The following SUPT3H variants were observed in gnomAD, a reference collection of about 807,000 sequenced individuals.
SUPT3H encodes the protein transcription initiation protein SPT3 homolog.
Under a neutral mutation model 44.3 loss-of-function variants are expected in SUPT3H, and 44 were observed. The ratio of observed to expected loss-of-function variants is 0.99; its 90% CI spans 0.78 to 1.28. The LOEUF is 1.28. Ranked by LOEUF, SUPT3H falls within the 50% of genes most tolerant of loss-of-function variation. The pLI is 0.00. For missense variants in SUPT3H, 380 were observed against 387.1 expected (o/e 0.98, Z 0.15); for synonymous variants, 124 against 125.6 (o/e 0.99, Z 0.09).
chr6:45,133,439 C>G (rs1275513833), intron 2 of SUPT3H, among the ~76,000 whole-genome samples: 4 of 152,120 alleles, frequency 2.6e-5, no homozygotes, highest in African/African-American at 9.7e-5. Context: ...CATTGTAGAA[C>G]TGAAAATAAA....
chr6:45,091,764 C>T (rs76757166), intron 3 of SUPT3H, among the ~76,000 whole-genome samples: 3,378 of 151,974 alleles, frequency 0.022, 124 homozygotes, highest in African/African-American at 0.077. Flanking sequence ...AGGATATTTG[C>T]TAAATTATGG....
intron 9 of SUPT3H, among the ~76,000 whole-genome samples, chr6:44,935,656 T>G (rs961800039): frequency 6.6e-6 from 1 of 152,182 alleles, no homozygotes; most frequent in African/African-American, 2.4e-5. Context: ...TATCCTTCCA[T>G]TTTTGTATTA....
At chr6:45,121,787 T>C (rs1166010973) in intron 2 of SUPT3H, among the ~76,000 whole-genome samples, 1 of 152,146 alleles carries the variant, frequency 6.6e-6, no homozygotes, top group Admixed American at 6.5e-5. Flanking sequence ...ACAATTCTCC[T>C]GCCTCAGTCT....
chr6:45,174,602 T>A (rs917209611), intron 2 of SUPT3H, among the ~76,000 whole-genome samples: 13 of 152,158 alleles, frequency 8.5e-5, no homozygotes, highest in African/African-American at 3.1e-4. Flanking sequence ...CAGCTTTCAC[T>A]TTTATGAGCT....
chr6:45,212,228 T>C (rs192777429), intron 2 of SUPT3H, among the ~76,000 whole-genome samples: 280 of 152,336 alleles, frequency 1.8e-3, no homozygotes, highest in African/African-American at 6.6e-3. Flanking sequence ...ACTTTTCTTA[T>C]GCTGAATCAA....
chr6:45,248,106 G>GA (rs1468582022), intron 2 of SUPT3H, among the ~76,000 whole-genome samples: 1 of 151,584 alleles, frequency 6.6e-6, no homozygotes, highest in South Asian at 2.1e-4. Context: ...ATATAAAACA[G>GA]AAAAAAACCT....
At chr6:45,312,301 G>A (rs1431873773) in intron 2 of SUPT3H, among the ~76,000 whole-genome samples, 1 of 152,084 alleles carries the variant, frequency 6.6e-6, no homozygotes, top group Non-Finnish European at 1.5e-5. Context: ...GAGGTCAGGA[G>A]ATCAAGACCA....
intron 2 of SUPT3H, among the ~76,000 whole-genome samples, chr6:45,293,226 C>G (rs986693126): frequency 2.6e-5 from 4 of 152,200 alleles, no homozygotes; most frequent in African/African-American, 9.6e-5. Flanking sequence ...ACAACCTGCT[C>G]CTGAATAATC....
intron 2 of SUPT3H, among the ~76,000 whole-genome samples, chr6:45,237,507 G>A (rs1769406095): frequency 1.3e-5 from 2 of 152,154 alleles, no homozygotes; most frequent in Admixed American, 6.6e-5. Context: ...AAAGTATGTT[G>A]CATGAAATGG....
At chr6:45,163,905 A>C (rs1809436609) in intron 2 of SUPT3H, among the ~76,000 whole-genome samples, 1 of 152,168 alleles carries the variant, frequency 6.6e-6, no homozygotes, top group Admixed American at 6.6e-5. Context: ...GAGATTTAAA[A>C]AGTAAATAGT....
intron 10 of SUPT3H, among the ~76,000 whole-genome samples, chr6:44,881,659 G>T (rs570139903): frequency 3.9e-5 from 6 of 152,282 alleles, no homozygotes; most frequent in African/African-American, 1.4e-4. Flanking sequence ...CTCAGCAAAT[G>T]CAAGAGAACG....
chr6:45,230,680 A>ATTTT (rs1257695683), intron 2 of SUPT3H, among the ~76,000 whole-genome samples: 6 of 110,978 alleles, frequency 5.4e-5, no homozygotes, highest in African/African-American at 2.2e-4. Context: ...ATATATATAT[A>ATTTT]TATATATTTT....
intron 6 of SUPT3H, among the ~76,000 whole-genome samples, chr6:44,965,623 T>G (rs552359527): frequency 2.6e-5 from 4 of 152,176 alleles, no homozygotes; most frequent in African/African-American, 4.8e-5. Context: ...TTTTGGCCAA[T>G]GATGAAGATG....
chr6:45,190,667 A>G (rs968064404), intron 2 of SUPT3H, among the ~76,000 whole-genome samples: 2 of 152,268 alleles, frequency 1.3e-5, no homozygotes, highest in Admixed American at 1.3e-4. Flanking sequence ...CAAGCCATAG[A>G]CCATCTTTGT....
At chr6:45,358,663 G>A (rs1432262173) in intron 2 of SUPT3H, among the ~76,000 whole-genome samples, 3 of 152,140 alleles carry the variant, frequency 2.0e-5, no homozygotes, top group East Asian at 3.8e-4. Flanking sequence ...CTAACCCTGT[G>A]AGGTAGATAC....
chr6:45,175,336 A>G (rs1811555502), intron 2 of SUPT3H, among the ~76,000 whole-genome samples: 1 of 152,202 alleles, frequency 6.6e-6, no homozygotes, highest in Admixed American at 6.5e-5. Flanking sequence ...GGGAGGCCGC[A>G]GGAAACTTAC....
At chr6:44,958,386 C>A (rs556622764) in intron 7 of SUPT3H, among the ~76,000 whole-genome samples, 33 of 152,314 alleles carry the variant, frequency 2.2e-4, no homozygotes, top group African/African-American at 3.6e-4. Context: ...CATTCCCAGT[C>A]CTTTCCTTAG....
chr6:44,919,135 C>G (rs1002449048), intron 10 of SUPT3H, among the ~76,000 whole-genome samples: 1 of 152,198 alleles, frequency 6.6e-6, no homozygotes, highest in Non-Finnish European at 1.5e-5. Context: ...TAAGTTAGTG[C>G]TGCTCTCATT....
chr6:45,364,096 C>G (rs1223710948), intron 2 of SUPT3H, among the ~76,000 whole-genome samples: 1 of 145,156 alleles, frequency 6.9e-6, no homozygotes, highest in Non-Finnish European at 1.5e-5. Flanking sequence ...GCCTGGGCAA[C>G]AGAGTGAGAC....
Sources: allele counts gnomAD v4.1 joint callset (sites outside exome capture counted in the v4.1 genomes callset), GRCh38; gene constraint gnomAD v4.1.1; transcripts MANE v1.5; gene names NCBI Gene and HGNC (gene_info 2026-07-23, HGNC 2026-07-21).